The following SLC41A2 variants were observed in gnomAD, a reference collection of about 807,000 sequenced individuals.
SLC41A2 encodes SLC41A1-like 1.
In SLC41A2, 32 loss-of-function variants were observed where a neutral mutation model predicts 58.3. The ratio of observed to expected loss-of-function variants is 0.55; its 90% CI spans 0.41 to 0.74. The LOEUF (loss-of-function observed/expected upper bound fraction) is 0.74. Among genes scored for constraint, SLC41A2 ranks in the 30% least tolerant of loss-of-function variants. The pLI, the probability that SLC41A2 is intolerant of heterozygous loss-of-function variation, is 0.00. For missense variants in SLC41A2, 514 were observed against 680.6 expected, an observed-to-expected ratio of 0.76 and a Z score of 2.72; for synonymous variants, 190 against 235.0, an observed-to-expected ratio of 0.81 and a Z score of 1.75.
chr12:104,843,194 A>C (rs78113866), intron 10 of SLC41A2, among the ~76,000 whole-genome samples: 1 of 151,986 alleles, frequency 6.6e-6, no homozygotes. Flanking sequence ...ATTATAGTAC[A>C]TTATAATTAT....
In SLC41A2 at chr12:104,805,313, C is replaced by T. The variant is rs781526872; in HGVS notation, c.1561G>A (p.Asp521Asn). The change falls in exon 11 of 11, where the codon GAC (aspartate) becomes AAC (asparagine). Residue 521 changes from aspartate (D) to asparagine (N), a missense_variant. Physicochemically the swap from Asp to Asn is conservative, Grantham distance 23. Around this residue, in one of 3 missense-constraint regions of SLC41A2, gnomAD observed 128 missense variants for 146.0 expected, o/e 0.88. Coordinates refer to ENST00000258538, the MANE Select transcript of SLC41A2 (RefSeq NM_001352171.3). Reference protein sequence around the residue: ...LQVFTLLWIADWMVHHFWRKG... With the variant: ...LQVFTLLWIANWMVHHFWRKG... ...CTCCAGAAGTGATGGACCATCCAGTCAGCAATCCACAGCAAGGTAAATACC... is the reference window on the plus strand; with the variant it reads ...CTCCAGAAGTGATGGACCATCCAGTTAGCAATCCACAGCAAGGTAAATACC... 1 of 1,613,284 alleles carries T rather than the reference C, an allele frequency of 6.2e-7. No individual in the cohort carries two copies. Among genetic ancestry groups the T allele is most frequent in the Non-Finnish European group, 8.5e-7 (1 of 1,179,668 alleles).
intron 10 of SLC41A2, among the ~76,000 whole-genome samples, chr12:104,821,085 C>G (rs968254023): frequency 6.6e-5 from 10 of 152,254 alleles, no homozygotes; most frequent in African/African-American, 2.2e-4. Context: ...TTCTGTGATT[C>G]TTTTCTTTTC....
intron 3 of SLC41A2, among the ~76,000 whole-genome samples, chr12:104,909,202 A>T (rs943081873): frequency 3.3e-5 from 5 of 152,238 alleles, no homozygotes; most frequent in Admixed American, 3.3e-4. Context: ...GCAGGTATAG[A>T]AGGATCTGTA....
At chr12:104,954,302 A>T (rs990979297) in intron 1 of SLC41A2, among the ~76,000 whole-genome samples, 3 of 152,214 alleles carry the variant, frequency 2.0e-5, no homozygotes, top group African/African-American at 7.2e-5. Flanking sequence ...ATTTCCATCT[A>T]AATATTTCTG....
chr12:104,910,891 T>G (rs1389292791), intron 2 of SLC41A2, among the ~76,000 whole-genome samples: 20 of 152,224 alleles, frequency 1.3e-4, no homozygotes. Context: ...TTTTTCCCTT[T>G]CCAGGTCTTT....
At chr12:104,908,680 T>C (rs752312913) in intron 3 of SLC41A2, among the ~76,000 whole-genome samples, 14 of 152,242 alleles carry the variant, frequency 9.2e-5, no homozygotes, top group Non-Finnish European at 2.1e-4. Flanking sequence ...GGTTCCACAA[T>C]GGCAAACCCC....
Position 104,805,223 on chromosome 12 carries a change from TC to T in SLC41A2, c.1650del (p.Thr551GlnfsTer4). The T allele has an allele frequency of 6.2e-7, 1 of 1,613,966 alleles. No individual in the cohort carries two copies. The highest frequency in any genetic ancestry group is 8.5e-7 in the Non-Finnish European group (1 of 1,179,872). The stretch of plus-strand genomic sequence containing the variant: ...TGAAAACTTAAGGCTAACAGAGCTG[TC>T]CCGAGCAGATCACCCAATGCTGTTA... ...PYLTALGDLL[G>X]TALLALSFHF... On this transcript the variant is annotated frameshift_variant, in exon 11 of 11. Transcript: ENST00000258538. LOFTEE classifies it high-confidence loss of function.
At chr12:104,893,160 A>G (rs1228387642) in intron 4 of SLC41A2, among the ~76,000 whole-genome samples, 1 of 152,216 alleles carries the variant, frequency 6.6e-6, no homozygotes, top group Non-Finnish European at 1.5e-5. Context: ...TATAGGAAAA[A>G]AAATCCAATA....
chr12:104,895,942 T>C (rs920005195), intron 3 of SLC41A2, among the ~76,000 whole-genome samples: 14 of 152,180 alleles, frequency 9.2e-5, no homozygotes, highest in African/African-American at 3.4e-4. Context: ...ACCCACATAC[T>C]CAATTGTTCT....
chr12:104,920,587 G>T (rs1458698932), intron 2 of SLC41A2, among the ~76,000 whole-genome samples: 1 of 152,018 alleles, frequency 6.6e-6, no homozygotes, highest in African/African-American at 2.4e-5. Context: ...AAAACAGCCT[G>T]CACAACAAAG....
chr12:104,807,379 T>C (rs751999561), intron 10 of SLC41A2, among the ~76,000 whole-genome samples: 6 of 152,216 alleles, frequency 3.9e-5, no homozygotes, highest in South Asian at 2.1e-4. Context: ...TAGTTGTAGA[T>C]ATGTGGCATT....
chr12:104,813,811 T>C (rs535395421), intron 10 of SLC41A2, among the ~76,000 whole-genome samples: 38 of 152,200 alleles, frequency 2.5e-4, no homozygotes, highest in Admixed American at 8.5e-4. Flanking sequence ...AATTTTTGTA[T>C]TTTTCATAGA....
At chr12:104,907,603 GT>G (rs1315786718) in intron 3 of SLC41A2, among the ~76,000 whole-genome samples, 1 of 152,092 alleles carries the variant, frequency 6.6e-6, no homozygotes, top group African/African-American at 2.4e-5. Flanking sequence ...AAGCTATTAG[GT>G]TTTTGTTACT....
At chr12:104,848,749 T>G (rs1212052217) in intron 8 of SLC41A2, among the ~76,000 whole-genome samples, 3 of 152,010 alleles carry the variant, frequency 2.0e-5, no homozygotes, top group Non-Finnish European at 4.4e-5. Flanking sequence ...GGAAAGAAAG[T>G]AAAACAACTC....
chr12:104,874,525 A>G (rs997307632), intron 6 of SLC41A2, among the ~76,000 whole-genome samples: 5 of 152,200 alleles, frequency 3.3e-5, no homozygotes, highest in Non-Finnish European at 7.3e-5. Flanking sequence ...TAAGATAACT[A>G]TCTTTGTGTA....
intron 1 of SLC41A2, among the ~76,000 whole-genome samples, chr12:104,956,544 TG>T (rs1404251879): frequency 1.3e-5 from 2 of 152,110 alleles, no homozygotes; most frequent in East Asian, 1.9e-4. Context: ...CCGGGCATAG[TG>T]GTGTGTGCCT....
chr12:104,861,207 G>T, intron 8 of SLC41A2, 84 bp downstream of exon 8: 1 of 952,634 alleles, frequency 1.0e-6, no homozygotes, highest in Non-Finnish European at 1.6e-6. Context: ...TCTTGAATCT[G>T]AGCCCTAAGA....
chr12:104,929,221 G>A (rs1216803597), intron 1 of SLC41A2, among the ~76,000 whole-genome samples: 1 of 152,020 alleles, frequency 6.6e-6, no homozygotes, highest in African/African-American at 2.4e-5. Context: ...AAAAACACTT[G>A]GTAGGTATCC....
intron 10 of SLC41A2, among the ~76,000 whole-genome samples, chr12:104,815,378 T>C (rs1188487168): frequency 6.6e-6 from 1 of 152,234 alleles, no homozygotes; most frequent in African/African-American, 2.4e-5. Flanking sequence ...AAATATGCCT[T>C]TTGAAAAGGC....
Sources: allele counts gnomAD v4.1 joint callset (sites outside exome capture counted in the v4.1 genomes callset), GRCh38; gene constraint gnomAD v4.1.1; regional missense constraint gnomAD v4.1.1; transcripts MANE v1.5; gene names NCBI Gene and HGNC (gene_info 2026-07-23, HGNC 2026-07-21).